Variants in RALGPS2 observed in about 807,000 individuals in gnomAD.
RALGPS2 encodes the protein ras-specific guanine nucleotide-releasing factor RalGPS2.
RALGPS2 carries 43 observed loss-of-function variants against 86.8 expected under a neutral mutation model. The observed-to-expected ratio is 0.50, with a 90% CI of 0.39 to 0.64. The LOEUF is 0.64. Among genes scored for constraint, RALGPS2 ranks in the 30% least tolerant of loss-of-function variants. The pLI, the probability that RALGPS2 is intolerant of heterozygous loss-of-function variation, is 0.00. For synonymous variants in RALGPS2, 243 were observed against 231.3 expected, an observed-to-expected ratio of 1.05 and a Z score of -0.46; for missense variants, 536 against 694.6, an observed-to-expected ratio of 0.77 and a Z score of 2.57.
chr1:178,869,089 T>A (rs768163744), intron 8 of RALGPS2: 10 of 152,100 alleles, frequency 6.6e-5, no homozygotes. Context: ...AAGAGAATGT[T>A]ATAAATTAGT....
At chr1:178,848,431 A>G (rs1656973214) in intron 8 of RALGPS2, among the ~76,000 whole-genome samples, 2 of 152,232 alleles carry the variant, frequency 1.3e-5, no homozygotes, top group Admixed American at 6.5e-5. Flanking sequence ...GATGACCTGC[A>G]AAGTAGGTAG....
At chr1:178,916,181 T>C (rs1468713689) in intron 19 of RALGPS2, 149 bp from the exon 20 acceptor site, 1 of 618,044 alleles carries the variant, frequency 1.6e-6, no homozygotes, top group South Asian at 2.2e-5. Flanking sequence ...TGTTAATTAT[T>C]CATAAACTAT....
At chr1:178,785,983 G>A (rs566904842) in intron 4 of RALGPS2, among the ~76,000 whole-genome samples, 1 of 152,132 alleles carries the variant, frequency 6.6e-6, no homozygotes, top group African/African-American at 2.4e-5. Flanking sequence ...TATGTATTTT[G>A]TACTCGGTTC....
At chr1:178,913,680 A>G (rs769994970) in intron 19 of RALGPS2, among the ~76,000 whole-genome samples, 3 of 152,118 alleles carry the variant, frequency 2.0e-5, no homozygotes, top group Non-Finnish European at 2.9e-5. Flanking sequence ...ATTTCCCTTC[A>G]GGGTTTGACT....
intron 11 of RALGPS2, among the ~76,000 whole-genome samples, chr1:178,884,608 TTTTA>T (rs1445123178): frequency 6.6e-6 from 1 of 152,250 alleles, no homozygotes; most frequent in Non-Finnish European, 1.5e-5. Flanking sequence ...TATAATATTC[TTTTA>T]TTTATTCCCA....
intron 8 of RALGPS2, chr1:178,865,211 T>A (rs1342569786): frequency 7.4e-6 from 12 of 1,614,074 alleles, no homozygotes; most frequent in Non-Finnish European, 9.3e-6. Context: ...CATCACAGAT[T>A]GGTTATTGAC....
At chr1:178,893,264 A>T (rs1226093366) in intron 15 of RALGPS2, among the ~76,000 whole-genome samples, 1 of 151,146 alleles carries the variant, frequency 6.6e-6, no homozygotes, top group East Asian at 1.9e-4. Flanking sequence ...TTTTTAAAAG[A>T]TACATGAAAA....
At chr1:178,909,988 G>C (rs1660561111) in intron 19 of RALGPS2, among the ~76,000 whole-genome samples, 1 of 152,006 alleles carries the variant, frequency 6.6e-6, no homozygotes, top group African/African-American at 2.4e-5. Flanking sequence ...TCCTTGATTA[G>C]CTGTATCCCT....
intron 1 of RALGPS2, among the ~76,000 whole-genome samples, chr1:178,760,815 T>C (rs1652201167): frequency 6.6e-6 from 1 of 152,186 alleles, no homozygotes; most frequent in Non-Finnish European, 1.5e-5. Flanking sequence ...GGATTTCTTA[T>C]ACCTGGATAT....
Position 178,865,330 on chromosome 1 carries a change from A to G in RALGPS2, c.608-12168A>G, listed in dbSNP as rs375097155. 1.1e-5 allele frequency: 18 copies of G among 1,613,930 alleles called. No individual in the cohort carries two copies. In the African/African-American group the frequency reaches 2.4e-4, roughly 22 times the overall value. ...TTTTGTTTTCCAGTTGGGAAAGTTC[A>G]AGTGAATTATCCCTCTTACGGATAA... On this transcript the variant is annotated intron_variant, in intron 8 of 19. Transcript: ENST00000367635.
intron 4 of RALGPS2, among the ~76,000 whole-genome samples, chr1:178,790,148 C>T (rs758732291): frequency 1.3e-5 from 2 of 152,032 alleles, no homozygotes; most frequent in Non-Finnish European, 1.5e-5. Flanking sequence ...GACAGGGTCT[C>T]GTTGTGCTGT....
intron 7 of RALGPS2, among the ~76,000 whole-genome samples, chr1:178,832,275 G>A (rs1656061020): frequency 6.6e-6 from 1 of 152,070 alleles, no homozygotes; most frequent in South Asian, 2.1e-4. Flanking sequence ...TTTAAAGAGG[G>A]AGCGATACTG....
intron 8 of RALGPS2, among the ~76,000 whole-genome samples, chr1:178,843,733 G>A (rs1441516312): frequency 6.6e-6 from 1 of 151,710 alleles, no homozygotes; most frequent in Non-Finnish European, 1.5e-5. Context: ...TATAGCATCT[G>A]CATAATTTTA....
intron 13 of RALGPS2, among the ~76,000 whole-genome samples, chr1:178,889,006 C>CTA (rs1659607277): frequency 6.6e-6 from 1 of 152,092 alleles, no homozygotes; most frequent in Non-Finnish European, 1.5e-5. Flanking sequence ...GTTTTGGACT[C>CTA]TCTAAATTCA....
chr1:178,794,354 G>A (rs1332281327), intron 4 of RALGPS2, among the ~76,000 whole-genome samples: 1 of 152,052 alleles, frequency 6.6e-6, no homozygotes, highest in Non-Finnish European at 1.5e-5. Context: ...CTGACCTAAA[G>A]TGAGCTGCCT....
At chr1:178,831,018 A>C (rs1309682485) in intron 7 of RALGPS2, among the ~76,000 whole-genome samples, 1 of 152,262 alleles carries the variant, frequency 6.6e-6, no homozygotes, top group Non-Finnish European at 1.5e-5. Context: ...ATGAAGCTTT[A>C]ATATCACAAT....
chr1:178,894,523 T>C (rs1260974129), intron 16 of RALGPS2, among the ~76,000 whole-genome samples: 5 of 151,996 alleles, frequency 3.3e-5, no homozygotes, highest in East Asian at 1.9e-4. Flanking sequence ...GTAGCACATA[T>C]AGTGTGGAGA....
intron 2 of RALGPS2, 60 bp downstream of exon 2, chr1:178,776,881 C>A: frequency 7.2e-7 from 1 of 1,388,376 alleles, no homozygotes; most frequent in Non-Finnish European, 1.0e-6. Flanking sequence ...ATTTTTCAAG[C>A]ATTATGTTTG....
chr1:178,785,957 C>A (rs1393137651), intron 4 of RALGPS2, among the ~76,000 whole-genome samples: 1 of 152,032 alleles, frequency 6.6e-6, no homozygotes, highest in Non-Finnish European at 1.5e-5. Context: ...TCAACTAACA[C>A]ATATTTTGTA....
Sources: gnomAD v4.1 joint callset for allele counts (sites outside exome capture counted in the v4.1 genomes callset) on GRCh38, gnomAD v4.1.1 for gene constraint, MANE v1.5 for transcripts, NCBI Gene and HGNC (gene_info 2026-07-23, HGNC 2026-07-21) for gene names.